Variants in CACNA1E observed in about 807,000 individuals in gnomAD.
CACNA1E encodes calcium voltage-gated channel subunit alpha1 E, also known as voltage-dependent R-type calcium channel subunit alpha-1E.
CACNA1E carries 40 observed loss-of-function variants against 259.2 expected under a neutral mutation model. The ratio of observed to expected loss-of-function variants is 0.15; its 90% CI spans 0.12 to 0.20. CACNA1E has a LOEUF of 0.20. Among genes scored for constraint, CACNA1E ranks in the 10% least tolerant of loss-of-function variants. CACNA1E has a pLI of 1.00. For synonymous variants in CACNA1E, 1,104 were observed against 1,138.5 expected, an observed-to-expected ratio of 0.97 and a Z score of 0.61; for missense variants, 1,874 against 3,040.1, an observed-to-expected ratio of 0.62 and a Z score of 9.02.
chr1:181,678,769 T>C (rs1026730380), intron 7 of CACNA1E, among the ~76,000 whole-genome samples: 2 of 152,196 alleles, frequency 1.3e-5, no homozygotes, highest in African/African-American at 2.4e-5. Flanking sequence ...TCAGACTTAG[T>C]TTCTCCACCT....
At chr1:181,539,822 A>G (rs914147117) in intron 3 of CACNA1E, among the ~76,000 whole-genome samples, 6 of 152,232 alleles carry the variant, frequency 3.9e-5, no homozygotes, top group African/African-American at 1.4e-4. Flanking sequence ...AGATAGACCC[A>G]GAGTTTAGTC....
At chr1:181,645,419 G>A (rs897666766) in intron 6 of CACNA1E, among the ~76,000 whole-genome samples, 5 of 152,058 alleles carry the variant, frequency 3.3e-5, no homozygotes, top group East Asian at 3.9e-4. Flanking sequence ...CTGAGAGGGC[G>A]TTCCCCACCC....
intron 1 of CACNA1E, among the ~76,000 whole-genome samples, chr1:181,325,857 T>A (rs1427801443): frequency 6.6e-6 from 1 of 152,124 alleles, no homozygotes; most frequent in African/African-American, 2.4e-5. Flanking sequence ...TTCCTGTTCC[T>A]TCCTCTGGTG....
intron 3 of CACNA1E, among the ~76,000 whole-genome samples, chr1:181,573,432 G>C (rs1650621314): frequency 6.6e-6 from 1 of 152,188 alleles, no homozygotes; most frequent in Non-Finnish European, 1.5e-5. Context: ...TTGCTGAGCT[G>C]TGTGTACTTC....
At position 181,756,000 on chromosome 1, in the gene CACNA1E, G is replaced by A. The variant is rs758495194; in HGVS notation, c.4034G>A (p.Gly1345Asp). ...DHEKNKMEVK[G>D]REWKRHEFHY... ...GAGAAAAACAAGATGGAGGTGAAGG[G>A]CCGGGAATGGAAGCGCCATGAATTC... The change falls in exon 29 of 48, where the codon GGC becomes GAC. Residue 1345 changes from glycine (G) to aspartate (D), a missense_variant. By Grantham distance (94) the Gly-to-Asp change is moderately conservative. This residue lies in a region of CACNA1E where 188 missense variants were observed against 540.6 expected (regional missense o/e 0.35). Transcript: ENST00000367573. 1 of 1,613,926 alleles carries A rather than the reference G, an allele frequency of 6.2e-7. No homozygotes were observed. Among genetic ancestry groups the A allele is most frequent in the Non-Finnish European group, 8.5e-7 (1 of 1,179,860 alleles).
chr1:181,618,539 T>G (rs1655434481), intron 6 of CACNA1E, among the ~76,000 whole-genome samples: 1 of 150,396 alleles, frequency 6.6e-6, no homozygotes. Context: ...CACTCCAGCC[T>G]GGGTGACAGA....
chr1:181,739,616 G>A (rs1434553822), intron 25 of CACNA1E, among the ~76,000 whole-genome samples: 3 of 152,180 alleles, frequency 2.0e-5, no homozygotes, highest in African/African-American at 7.2e-5. Flanking sequence ...TTTCTTGAGT[G>A]TGTCAATCAA....
chr1:181,324,706 C>A (rs1650634721), intron 1 of CACNA1E, among the ~76,000 whole-genome samples: 1 of 152,144 alleles, frequency 6.6e-6, no homozygotes, highest in African/African-American at 2.4e-5. Flanking sequence ...ACTGTTGCCA[C>A]TACTGGGCTT....
chr1:181,798,792 C>A lies in CACNA1E; in HGVS notation c.6900C>A (p.Val2300=). ...GGCCAGGCATGATGTGTGGGGCTGT[C>A]AACAACCTGCTAAGTGACACGGAAG... ...GPGPGMMCGA[V]NNLLSDTEED... The change falls in exon 48 of 48, where the codon GTC becomes GTA. Residue 2300 remains valine, a synonymous_variant. Transcript: ENST00000367573. The surrounding 1 kb of genome is among the most constrained non-coding windows in gnomAD (Gnocchi z 4.2). 6.4e-7 allele frequency: 1 copy of A among 1,552,602 alleles called. No individual in the cohort carries two copies. The highest frequency in any genetic ancestry group is 1.2e-5 in the South Asian group (1 of 84,174).
At position 181,788,043 on chromosome 1, in the gene CACNA1E, G is replaced by A. The variant is rs76378784; in HGVS notation, c.5786+2224G>A. Among the ~76,000 whole-genome samples the A allele has an allele frequency of 7.3e-3, 1,105 of 152,296 alleles. 8 individuals carry two copies. Among genetic ancestry groups the A allele is most frequent in the African/African-American group, 0.025 (1,037 of 41,556 alleles). ...CAGTGTAGGCTAAATGGATTGGAGG[G>A]AAGCATTTCTAGAGGCAGGAACACC... is the stretch of plus-strand genomic sequence containing the variant. On this transcript the variant is annotated intron_variant, in intron 43 of 47. Coordinates refer to ENST00000367573, the MANE Select transcript of CACNA1E (RefSeq NM_001205293.3).
chr1:181,522,650 A>G (rs1272457887), intron 3 of CACNA1E, among the ~76,000 whole-genome samples: 5 of 152,110 alleles, frequency 3.3e-5, no homozygotes, highest in African/African-American at 7.2e-5. Context: ...GGGCCCTTAC[A>G]TCCTTCCAGT....
At chr1:181,793,567 T>C (rs1331125682) in intron 44 of CACNA1E, 98 bp from the exon 45 acceptor site, 4 of 1,340,138 alleles carry the variant, frequency 3.0e-6, no homozygotes, top group Non-Finnish European at 4.1e-6. Flanking sequence ...AGTCTCTCTT[T>C]TGAAAGCCAT....
chr1:181,507,109 A>G (rs1665777610), intron 1 of CACNA1E, among the ~76,000 whole-genome samples: 1 of 152,230 alleles, frequency 6.6e-6, no homozygotes, highest in African/African-American at 2.4e-5. Context: ...CTCACATCAG[A>G]TAGTGGGAAG....
intron 1 of CACNA1E, among the ~76,000 whole-genome samples, chr1:181,486,837 A>G (rs919102319): frequency 6.6e-6 from 1 of 152,162 alleles, no homozygotes; most frequent in African/African-American, 2.4e-5. Context: ...GAAGTCCTCT[A>G]GATTCTTGCC....
intron 23 of CACNA1E, 103 bp downstream of exon 23, chr1:181,737,757 G>T (rs1656186625): frequency 6.8e-7 from 1 of 1,470,330 alleles, no homozygotes; most frequent in Non-Finnish European, 9.2e-7. Context: ...TCTGGGGAAT[G>T]AGCAAGGGTT....
chr1:181,615,373 C>T (rs980256153), intron 6 of CACNA1E, among the ~76,000 whole-genome samples: 1 of 151,850 alleles, frequency 6.6e-6, no homozygotes, highest in Non-Finnish European at 1.5e-5. Context: ...TATTTTTAGT[C>T]GAGATGTGGT....
chr1:181,400,023 G>T (rs757556877), intron 1 of CACNA1E, among the ~76,000 whole-genome samples: 2 of 152,168 alleles, frequency 1.3e-5, no homozygotes, highest in Non-Finnish European at 2.9e-5. Flanking sequence ...TGTTTTGAAG[G>T]ATGAATAGTA....
At chr1:181,370,280 T>C (rs1402205831) in intron 1 of CACNA1E, among the ~76,000 whole-genome samples, 2 of 152,070 alleles carry the variant, frequency 1.3e-5, no homozygotes, top group Non-Finnish European at 2.9e-5. Flanking sequence ...GTTTTTTTTT[T>C]TTTTTCTTTC....
intron 1 of CACNA1E, among the ~76,000 whole-genome samples, chr1:181,504,016 G>C (rs560459379): frequency 1.3e-5 from 2 of 152,144 alleles, no homozygotes; most frequent in East Asian, 3.9e-4. Flanking sequence ...ACTAGTTAAG[G>C]CTCTTTCTCT....
Sources: gnomAD v4.1 joint callset for allele counts (sites outside exome capture counted in the v4.1 genomes callset) on GRCh38, gnomAD v4.1.1 for gene constraint, gnomAD v4.1.1 regional missense constraint, Gnocchi (gnomAD v3.1) non-coding constraint, MANE v1.5 for transcripts, NCBI Gene and HGNC (gene_info 2026-07-23, HGNC 2026-07-21) for gene names.